Variants in DENND4A observed in about 807,000 individuals in gnomAD.
DENND4A encodes DENN domain containing 4A.
A neutral mutation model predicts 199.3 loss-of-function variants in DENND4A; 70 were observed. That is an observed-to-expected ratio of 0.35 (90% CI 0.29 to 0.43). The LOEUF is 0.43. Ranked by LOEUF, DENND4A falls within the 20% of genes least tolerant of loss-of-function variation. The pLI is 1.00. For missense variants in DENND4A, 1,723 were observed against 2,255.8 expected (o/e 0.76, Z 4.78); for synonymous variants, 686 against 766.9 (o/e 0.89, Z 1.74).
chr15:65,673,965 C>T lies in DENND4A; in HGVS notation c.4370-2079G>A, dbSNP rs543662289. 6.8e-4 allele frequency among the ~76,000 whole-genome samples: 104 copies of T among 151,920 alleles called. No individual in the cohort carries two copies. The Middle Eastern group carries it at 0.017, about 25-fold the overall frequency. On this transcript the variant is annotated intron_variant, in intron 24 of 32. Coordinates refer to ENST00000443035, the MANE Select transcript of DENND4A (RefSeq NM_001320835.1). Reference sequence around the variant, plus strand: ...GTAAGTTTAGTGTTATTTGCTTAGACAATGAACTGTTCTTGTATGTTAAAA... The same window carrying T: ...GTAAGTTTAGTGTTATTTGCTTAGATAATGAACTGTTCTTGTATGTTAAAA...
Position 65,661,339 on chromosome 15 carries a change from C to T in DENND4A, c.*512G>A, listed in dbSNP as rs2075839782. On this transcript the variant is annotated 3_prime_UTR_variant, in exon 33 of 33. Coordinates refer to ENST00000443035, the MANE Select transcript of DENND4A (RefSeq NM_001320835.1). ...GACAAGGAAAATACACGCTTGCTTG[C>T]TTAAGTTTAAATTCATTTTAAGTTT... The T allele has an allele frequency of 6.6e-6, 1 of 152,112 alleles. No individual in the cohort carries two copies. Among genetic ancestry groups the T allele is most frequent in the Non-Finnish European group, 1.5e-5 (1 of 68,050 alleles). The allele number at this position is 152,112 out of a possible 1,614,324, so 9.4% of individuals were successfully genotyped here. A position where few individuals can be genotyped will look rare whatever the true frequency, so the allele number is the denominator to read the frequency against.
At chr15:65,679,514 CATTTT>C (rs1566994993) in intron 23 of DENND4A, among the ~76,000 whole-genome samples, 1 of 151,760 alleles carries the variant, frequency 6.6e-6, no homozygotes, top group East Asian at 1.9e-4. Context: ...ATCTTTTTTT[CATTTT>C]ATTTTTTATG....
intron 1 of DENND4A, among the ~76,000 whole-genome samples, chr15:65,762,041 C>G (rs2076864077): frequency 6.6e-6 from 1 of 152,104 alleles, no homozygotes; most frequent in Non-Finnish European, 1.5e-5. Flanking sequence ...GAGTTTCGCT[C>G]TTGTTGCCCA....
chr15:65,720,208 G>A (rs1013213092), intron 12 of DENND4A, among the ~76,000 whole-genome samples: 2 of 152,128 alleles, frequency 1.3e-5, no homozygotes, highest in African/African-American at 4.8e-5. Flanking sequence ...TGATGTCAAA[G>A]AATGTACTGG....
chr15:65,701,337 C>T, intron 18 of DENND4A, 145 bp from the exon 19 acceptor site: 5 of 663,680 alleles, frequency 7.5e-6, no homozygotes, highest in Non-Finnish European at 1.2e-5. Flanking sequence ...GAGGCTGAGG[C>T]AGGTGGATCA....
intron 4 of DENND4A, among the ~76,000 whole-genome samples, chr15:65,742,432 T>G (rs1398943972): frequency 6.6e-6 from 1 of 151,442 alleles, no homozygotes; most frequent in African/African-American, 2.4e-5. Flanking sequence ...TACAGGCACG[T>G]GCCACCATGA....
Position 65,661,604 on chromosome 15 carries a change from AAAT to A in DENND4A, c.*244_*246del. The A allele has an allele frequency of 3.3e-6, 1 of 301,824 alleles. No individual in the cohort carries two copies. The highest frequency in any genetic ancestry group is 6.1e-6 in the Non-Finnish European group (1 of 164,822). The allele number at this position is 301,824 out of a possible 1,614,324, so 18.7% of individuals were successfully genotyped here. A position where few individuals can be genotyped will look rare whatever the true frequency, so the allele number is the denominator to read the frequency against. On this transcript the variant is annotated 3_prime_UTR_variant, in exon 33 of 33. Transcript: ENST00000443035. ...TTGTTTAGGGATTTCCTCATCACAA[AAAT>A]ACTTTATTTCCTATTACAGGGGAGT...
chr15:65,715,443 A>G (rs1027475185), intron 14 of DENND4A, 35 bp downstream of exon 14: 7 of 1,561,472 alleles, frequency 4.5e-6, no homozygotes, highest in Non-Finnish European at 6.0e-6. Context: ...GTCACACAAA[A>G]TAAGTTAGGG....
chr15:65,680,882 A>T (rs2076550473), intron 23 of DENND4A: 1 of 152,250 alleles, frequency 6.6e-6, no homozygotes. Flanking sequence ...AAAATTGCTA[A>T]CAATTATGTG....
At chr15:65,687,970 C>T (rs1490136713) in intron 23 of DENND4A, among the ~76,000 whole-genome samples, 2 of 152,032 alleles carry the variant, frequency 1.3e-5, no homozygotes, top group African/African-American at 4.8e-5. Flanking sequence ...TTTTTCAAAT[C>T]TTCAAATATC....
chr15:65,770,459 T>G (rs2077098825), intron 1 of DENND4A, among the ~76,000 whole-genome samples: 1 of 152,222 alleles, frequency 6.6e-6, no homozygotes, highest in Admixed American at 6.5e-5. Flanking sequence ...TCATATTTTC[T>G]TTAAAATCTA....
intron 23 of DENND4A, among the ~76,000 whole-genome samples, chr15:65,689,556 G>C (rs1468449201): frequency 6.6e-6 from 1 of 152,162 alleles, no homozygotes; most frequent in African/African-American, 2.4e-5. Flanking sequence ...TCTACCTCTG[G>C]TTTGCCAATG....
Position 65,667,671 on chromosome 15 carries a change from A to T in DENND4A, c.5019T>A (p.Ser1673Arg). 1 of 1,613,940 alleles carries T rather than the reference A, an allele frequency of 6.2e-7. No individual in the cohort carries two copies. The highest frequency in any genetic ancestry group is 8.5e-7 in the Non-Finnish European group (1 of 1,179,870). The stretch of plus-strand genomic sequence containing the variant: ...GATACGGAACAGTGACAGGATCGGG[A>T]CTTGGAAGGTGCCATTCTAAACCTA... ...DSLGLEWHLP[S>R]PDPVTVPYLS... The change falls in exon 29 of 33, where the codon AGT becomes AGA. Residue 1673 changes from serine (S) to arginine (R), a missense_variant. Ser to Arg is a moderately radical substitution (Grantham distance 110). Around this residue, in one of 6 missense-constraint regions of DENND4A, gnomAD observed 141 missense variants for 170.7 expected, o/e 0.83. Transcript: ENST00000443035.
intron 1 of DENND4A, among the ~76,000 whole-genome samples, chr15:65,780,253 C>T (rs996249158): frequency 2.0e-5 from 3 of 151,890 alleles, no homozygotes; most frequent in Admixed American, 6.6e-5. Flanking sequence ...CATTTATGCC[C>T]GAATAAAAAA....
At chr15:65,682,129 C>A (rs2076599113) in intron 23 of DENND4A, among the ~76,000 whole-genome samples, 1 of 152,162 alleles carries the variant, frequency 6.6e-6, no homozygotes, top group Non-Finnish European at 1.5e-5. Context: ...AGCTACACTA[C>A]CCCCTAACAA....
In DENND4A at chr15:65,670,192, TG is replaced by T; in HGVS notation, c.4465-5del. 6.6e-7 allele frequency: 1 copy of T among 1,503,986 alleles called. No individual in the cohort carries two copies. The highest frequency in any genetic ancestry group is 1.4e-5 in the South Asian group (1 of 73,888). The allele number at this position is 1,503,986 out of a possible 1,614,324, so 93.2% of individuals were successfully genotyped here. On this transcript the variant is annotated splice_polypyrimidine_tract_variant and splice_region_variant and intron_variant, in intron 25 of 32. Transcript: ENST00000443035. ...GAGAGCAACTTGAGATGAGAACCTGTGGGAGAAGATAGCACTTTATAAAGAA... is the reference window on the plus strand; with the variant it reads ...GAGAGCAACTTGAGATGAGAACCTGTGGAGAAGATAGCACTTTATAAAGAA...
intron 1 of DENND4A, among the ~76,000 whole-genome samples, chr15:65,769,367 C>T (rs1430083816): frequency 2.6e-5 from 4 of 152,110 alleles, no homozygotes; most frequent in Non-Finnish European, 5.9e-5. Context: ...TCTGAGCTCT[C>T]TAAAATACTG....
intron 32 of DENND4A, among the ~76,000 whole-genome samples, chr15:65,662,228 C>CT (rs1260079777): frequency 1.3e-5 from 2 of 152,154 alleles, no homozygotes; most frequent in Non-Finnish European, 2.9e-5. Context: ...ACCACACACA[C>CT]TTTTTTGGTA....
chr15:65,665,090 A>G (rs1260998568), intron 30 of DENND4A: 3 of 470,544 alleles, frequency 6.4e-6, no homozygotes, highest in Non-Finnish European at 1.1e-5. Flanking sequence ...CAACCCCTCC[A>G]GCACATACAC....
Sources: allele counts gnomAD v4.1 joint callset (sites outside exome capture counted in the v4.1 genomes callset), GRCh38; gene constraint gnomAD v4.1.1; regional missense constraint gnomAD v4.1.1; transcripts MANE v1.5; gene names NCBI Gene and HGNC (gene_info 2026-07-23, HGNC 2026-07-21).